The following STOX2 variants were observed in gnomAD, a reference collection of about 807,000 sequenced individuals.
STOX2 encodes the protein storkhead box 2, also known as storkhead-box protein 2.
STOX2 carries 28 observed loss-of-function variants against 60.9 expected under a neutral mutation model. The ratio of observed to expected loss-of-function variants is 0.46; its 90% CI spans 0.34 to 0.63. The LOEUF (loss-of-function observed/expected upper bound fraction) is 0.63, where lower values mean the gene tolerates loss of function less well. Among genes scored for constraint, STOX2 ranks in the 30% least tolerant of loss-of-function variants. STOX2 has a pLI of 0.01. For synonymous variants in STOX2, 472 were observed against 463.9 expected (o/e 1.02, Z -0.22); for missense variants, 1,024 against 1,187.7 (o/e 0.86, Z 2.03).
chr4:183,888,866 G>C (rs1234099168), intron 1 of STOX2, among the ~76,000 whole-genome samples: 1 of 151,940 alleles, frequency 6.6e-6, no homozygotes, highest in African/African-American at 2.4e-5. Context: ...TGTTCCTGGG[G>C]CTGATTTGGC....
In STOX2 at chr4:184,020,921, A is replaced by T. The variant is rs140929654; in HGVS notation, c.*3637A>T. On this transcript the variant is annotated 3_prime_UTR_variant, in exon 4 of 4. Transcript: ENST00000308497. ...AAATTACATTGCAGTCACCATGGGG[A>T]GAAGAAACCTGTTCAGTGGAAGCAG... 6.6e-6 allele frequency: 1 copy of T among 152,198 alleles called. No homozygotes were observed. Among genetic ancestry groups the T allele is most frequent in the South Asian group, 2.1e-4 (1 of 4,830 alleles). The allele number at this position is 152,198 out of a possible 1,614,324, so 9.4% of individuals were successfully genotyped here. A position where few individuals can be genotyped will look rare whatever the true frequency, so the allele number is the denominator to read the frequency against.
rs542123729 is a variant in STOX2, at chr4:183,812,424, TA to T, written c.364+14371del. ...TACCTTTAAAAATGTCTATGCAATT[TA>T]AGGGTTTTTAGATTTGTTTAAAAAA... On this transcript the variant is annotated intron_variant, in intron 1 of 2. Transcript: ENST00000513034. Among the ~76,000 whole-genome samples, 178 of 152,366 alleles carry T rather than the reference TA, an allele frequency of 1.2e-3. 2 individuals carry two copies. Among genetic ancestry groups the T allele is most frequent in the Non-Finnish European group, 2.2e-3 (151 of 68,036 alleles).
chr4:183,860,281 G>A (rs1347753336), intron 1 of STOX2, among the ~76,000 whole-genome samples: 1 of 151,844 alleles, frequency 6.6e-6, no homozygotes, highest in Non-Finnish European at 1.5e-5. Flanking sequence ...AAAAGGAAAC[G>A]GGCCCTCAAA....
Position 184,011,420 on chromosome 4 carries a change from C to T in STOX2, c.2582C>T (p.Pro861Leu). ...ACAGTGGACAGTGGATTCAACTCCC[C>T]ACGGTAGGGAGAGGTGTCTCTGTGC... ...SITVDSGFNSPRTRESLASNT... is the reference protein window; with the variant it reads ...SITVDSGFNSLRTRESLASNT... Residue 861 changes from proline to leucine, a missense_variant, in exon 3 of 4, where the codon CCA becomes CTA. Pro to Leu is a moderately conservative substitution (Grantham distance 98). Around this residue, in one of 3 missense-constraint regions of STOX2, gnomAD observed 922 missense variants for 1,058.3 expected, o/e 0.87. Coordinates refer to ENST00000308497, the MANE Select transcript of STOX2 (RefSeq NM_020225.3). The surrounding 1 kb of genome is among the most constrained non-coding windows in gnomAD (Gnocchi z 4.4). 2 of 1,609,104 alleles carry T rather than the reference C, an allele frequency of 1.2e-6. No individual in the cohort carries two copies. The highest frequency in any genetic ancestry group is 1.7e-6 in the Non-Finnish European group (2 of 1,177,490).
intron 1 of STOX2, among the ~76,000 whole-genome samples, chr4:183,910,295 T>A (rs1205684179): frequency 6.6e-6 from 1 of 152,202 alleles, no homozygotes; most frequent in Non-Finnish European, 1.5e-5. Flanking sequence ...GAACTAGAGA[T>A]AAAAGCAAAA....
chr4:183,949,056 C>G (rs1286315034), intron 1 of STOX2, among the ~76,000 whole-genome samples: 1 of 152,040 alleles, frequency 6.6e-6, no homozygotes, highest in African/African-American at 2.4e-5. Context: ...GAGGTCCACA[C>G]AGTAGTGGCA....
intron 1 of STOX2, among the ~76,000 whole-genome samples, chr4:183,875,383 T>C (rs2111167516): frequency 6.6e-6 from 1 of 152,332 alleles, no homozygotes; most frequent in South Asian, 2.1e-4. Flanking sequence ...TGGTTTTGTT[T>C]TCTGTTCCTT....
intron 1 of STOX2, among the ~76,000 whole-genome samples, chr4:183,915,069 A>G (rs1741891017): frequency 6.6e-6 from 1 of 152,242 alleles, no homozygotes; most frequent in Non-Finnish European, 1.5e-5. Context: ...ACTCATACAC[A>G]CAGTCAAAGT....
In STOX2 at chr4:184,010,627, A is replaced by G. The variant is rs762394859; in HGVS notation, c.1789A>G (p.Thr597Ala). 50 of 1,614,070 alleles carry G rather than the reference A, an allele frequency of 3.1e-5. 1 individual carries two copies. The South Asian group carries it at 5.4e-4, about 17-fold the overall frequency. ...ELNSCPTKTA[T>A]DDYFQCNTSS... Reference sequence around the variant, plus strand: ...CAACTCTTGTCCAACAAAAACAGCCACAGATGACTATTTCCAGTGCAACAC... The same window carrying G: ...CAACTCTTGTCCAACAAAAACAGCCGCAGATGACTATTTCCAGTGCAACAC... Residue 597 changes from threonine to alanine, a missense_variant, in exon 3 of 4, where the codon ACA becomes GCA. Coordinates refer to ENST00000308497, the MANE Select transcript of STOX2 (RefSeq NM_020225.3). This position sits in a 1 kb window ranked among gnomAD's most constrained non-coding sequence, Gnocchi z 4.5.
At position 183,885,880 on chromosome 4, in the gene STOX2, G is replaced by A. The variant is rs116573237; in HGVS notation, c.364+87825G>A. The stretch of plus-strand genomic sequence containing the variant: ...AAAATAAGAGTTCCAGTGTCAACAC[G>A]CATCTCATTGCCCCATTACCTGAAA... On this transcript the variant is annotated intron_variant, in intron 1 of 2. Transcript: ENST00000513034. Among the ~76,000 whole-genome samples, 193 of 152,342 alleles carry A rather than the reference G, an allele frequency of 1.3e-3. 1 individual carries two copies. The highest frequency in any genetic ancestry group is 4.4e-3 in the African/African-American group (182 of 41,582).
chr4:183,850,891 A>AGAAAGGATGAGG (rs1740104572), intron 1 of STOX2, among the ~76,000 whole-genome samples: 10 of 64,910 alleles, frequency 1.5e-4, no homozygotes, highest in East Asian at 5.6e-4. Context: ...AAAGGATGAG[A>AGAAAGGATGAGG]GAAACGATGA....
chr4:183,909,073 G>A (rs1741704686), intron 1 of STOX2, among the ~76,000 whole-genome samples: 1 of 152,164 alleles, frequency 6.6e-6, no homozygotes. Context: ...GGAAGGAAAT[G>A]GTAAACATGA....
chr4:183,897,160 G>A (rs1008567546), intron 1 of STOX2, among the ~76,000 whole-genome samples: 1 of 152,174 alleles, frequency 6.6e-6, no homozygotes, highest in Non-Finnish European at 1.5e-5. Context: ...TGTCAATCAG[G>A]CAACTAAATT....
intron 1 of STOX2, among the ~76,000 whole-genome samples, chr4:183,811,838 A>C (rs1037678934): frequency 6.6e-6 from 1 of 152,102 alleles, no homozygotes; most frequent in African/African-American, 2.4e-5. Context: ...AAAGCTCCAA[A>C]ATTTCTTTGT....
chr4:183,839,015 G>A (rs1033898021), intron 1 of STOX2, among the ~76,000 whole-genome samples: 10 of 150,696 alleles, frequency 6.6e-5, no homozygotes, highest in Admixed American at 2.6e-4. Context: ...ACACGTGCAC[G>A]CGCGCGCGCA....
chr4:183,958,047 CA>C (rs1251226679), intron 1 of STOX2, among the ~76,000 whole-genome samples: 1 of 151,640 alleles, frequency 6.6e-6, no homozygotes, highest in African/African-American at 2.4e-5. Context: ...TGGTTTCTTT[CA>C]GGGGGGATGG....
At chr4:183,961,044 C>T (rs1443200528) in intron 1 of STOX2, among the ~76,000 whole-genome samples, 1 of 152,126 alleles carries the variant, frequency 6.6e-6, no homozygotes, top group South Asian at 2.1e-4. Flanking sequence ...CTTGGATGCT[C>T]TCCAGGGTTT....
At chr4:183,884,289 G>GT (rs1300393873) in intron 1 of STOX2, among the ~76,000 whole-genome samples, 3 of 143,506 alleles carry the variant, frequency 2.1e-5, no homozygotes, top group Non-Finnish European at 3.0e-5. Context: ...GGTCATCTTT[G>GT]TTGGTTGTCT....
chr4:183,921,179 T>G (rs1742090767), intron 1 of STOX2, among the ~76,000 whole-genome samples: 1 of 152,202 alleles, frequency 6.6e-6, no homozygotes, highest in South Asian at 2.1e-4. Flanking sequence ...TCCAAATAAT[T>G]GAACAATTTG....
Sources: allele counts gnomAD v4.1 joint callset (sites outside exome capture counted in the v4.1 genomes callset), GRCh38; gene constraint gnomAD v4.1.1; regional missense constraint gnomAD v4.1.1; non-coding constraint Gnocchi (gnomAD v3.1); transcripts MANE v1.5; gene names NCBI Gene and HGNC (gene_info 2026-07-23, HGNC 2026-07-21).